The following ZNF366 variants were observed in gnomAD, a reference collection of about 807,000 sequenced individuals.
ZNF366 encodes dendritic cell-specific transcript protein.
In ZNF366, 20 loss-of-function variants were observed where a neutral mutation model predicts 47.2. The observed-to-expected ratio is 0.42, with a 90% CI of 0.30 to 0.62. ZNF366 has a LOEUF of 0.62. ZNF366 is among the 20% of genes least tolerant of loss of function. The pLI is 0.16. For synonymous variants in ZNF366, 421 were observed against 395.1 expected (o/e 1.07, Z -0.78); for missense variants, 987 against 976.3 (o/e 1.01, Z -0.15).
At position 72,447,343 on chromosome 5, in the gene ZNF366, G is replaced by T. The variant is rs1742979634; in HGVS notation, c.1599C>A (p.Phe533Leu). Residue 533 changes from phenylalanine (F) to leucine (L), a missense_variant, in exon 4 of 5, where the codon TTC becomes TTA. Physicochemically the swap from Phe to Leu is conservative, Grantham distance 22 (BLOSUM62 0). This residue lies in a region of ZNF366 where 111 missense variants were observed against 180.5 expected (regional missense o/e 0.61). Coordinates refer to ENST00000318442, the MANE Select transcript of ZNF366 (RefSeq NM_152625.3). ...ATTTGCTTGGGCAATAGAGGCACTT[G>T]AAGGGTTTGCTGTCTGAGTGCAGGT... ...HMHLHSDSKPFKCLYCPSKFT... is the reference protein window; with the variant it reads ...HMHLHSDSKPLKCLYCPSKFT... The T allele has an allele frequency of 6.2e-7, 1 of 1,614,100 alleles. No homozygotes were observed. Among genetic ancestry groups the T allele is most frequent in the Non-Finnish European group, 8.5e-7 (1 of 1,180,044 alleles).
In ZNF366 at chr5:72,444,078, TG is replaced by T; in HGVS notation, c.1912del (p.Gln638ArgfsTer90). On this transcript the variant is annotated frameshift_variant, in exon 5 of 5. Coordinates refer to ENST00000318442, the MANE Select transcript of ZNF366 (RefSeq NM_152625.3). LOFTEE classifies it low-confidence loss of function (END_TRUNC). The part of the protein sequence containing the change: ...VEPYSPGLAP[Q>X]SQQLCTPEDL... Reference sequence around the variant, plus strand: ...CTCGGGTGTGCAGAGCTGCTGGCTCTGGGGGGCCAGGCCAGGGCTGTAGGGC... The same window carrying T: ...CTCGGGTGTGCAGAGCTGCTGGCTCTGGGGGCCAGGCCAGGGCTGTAGGGC... 6.2e-7 allele frequency: 1 copy of T among 1,614,136 alleles called. No homozygotes were observed. The highest frequency in any genetic ancestry group is 8.5e-7 in the Non-Finnish European group (1 of 1,180,020).
At chr5:72,485,948 T>G (rs1743883682) in intron 1 of ZNF366, among the ~76,000 whole-genome samples, 1 of 152,154 alleles carries the variant, frequency 6.6e-6, no homozygotes, top group African/African-American at 2.4e-5. Context: ...CACGTGCCTC[T>G]TTTGCTTCCT....
intron 1 of ZNF366, among the ~76,000 whole-genome samples, chr5:72,489,698 A>T (rs1214894193): frequency 1.3e-5 from 2 of 152,244 alleles, no homozygotes; most frequent in African/African-American, 4.8e-5. Context: ...CTTTAAAAGT[A>T]TTCCCTAATA....
At chr5:72,477,120 T>TA (rs1246722636) in intron 1 of ZNF366, among the ~76,000 whole-genome samples, 1 of 152,174 alleles carries the variant, frequency 6.6e-6, no homozygotes, top group Non-Finnish European at 1.5e-5. Context: ...TTTACAATAT[T>TA]AAAAAAATTT....
chr5:72,444,031 G>C lies in ZNF366; in HGVS notation c.1960C>G (p.His654Asp), dbSNP rs778363115. The C allele has an allele frequency of 1.9e-6, 3 of 1,614,198 alleles. No individual in the cohort carries two copies. Among genetic ancestry groups the C allele is most frequent in the Non-Finnish European group, 2.5e-6 (3 of 1,180,036 alleles). The stretch of plus-strand genomic sequence containing the variant: ...GCTTCCTCCAGCACCTCGGGGGCGT[G>C]CTCCGACTTGGTGGACAGATCCTCG... ...TPEDLSTKSE[H>D]APEVLEEACK... Residue 654 changes from histidine (H) to aspartate (D), a missense_variant, in exon 5 of 5, where the codon CAC (histidine) becomes GAC (aspartate). Coordinates refer to ENST00000318442, the MANE Select transcript of ZNF366 (RefSeq NM_152625.3).
chr5:72,488,321 T>C (rs766904796), intron 1 of ZNF366, among the ~76,000 whole-genome samples: 8 of 152,184 alleles, frequency 5.3e-5, no homozygotes, highest in Admixed American at 3.9e-4. Context: ...TTAAGTATTG[T>C]TATTTTATTG....
rs760399989 is a variant in ZNF366 at position 72,444,130 on chromosome 5, C to T, written c.1861G>A (p.Glu621Lys). The T allele has an allele frequency of 3.7e-6, 6 of 1,613,980 alleles. No homozygotes were observed. The highest frequency in any genetic ancestry group is 1.1e-5 in the South Asian group (1 of 91,082). The change falls in exon 5 of 5, where the codon GAG (glutamate) becomes AAG (lysine). Residue 621 changes from glutamate (E) to lysine (K), a missense_variant. Coordinates refer to ENST00000318442, the MANE Select transcript of ZNF366 (RefSeq NM_152625.3). ...TCCACCTCGTAGCAGTTATCCTCCT[C>T]TTCCTCCTCGTGGCAGTGGCTGCCC... Reference protein sequence around the residue: ...AQGSHCHEEEEEDNCYEVEPY... With the variant: ...AQGSHCHEEEKEDNCYEVEPY...
At chr5:72,483,545 C>A (rs10059713) in intron 1 of ZNF366, among the ~76,000 whole-genome samples, 2 of 152,072 alleles carry the variant, frequency 1.3e-5, no homozygotes, top group Non-Finnish European at 2.9e-5. Flanking sequence ...TGCCTGTGAG[C>A]CAAGCATCTG....
intron 1 of ZNF366, among the ~76,000 whole-genome samples, chr5:72,473,225 T>C (rs1743605355): frequency 6.6e-6 from 1 of 152,206 alleles, no homozygotes; most frequent in Admixed American, 6.5e-5. Flanking sequence ...AGCAGCCATA[T>C]TGGAACAATG....
chr5:72,490,121 T>TC (rs1743976078), intron 1 of ZNF366, among the ~76,000 whole-genome samples: 1 of 152,186 alleles, frequency 6.6e-6, no homozygotes, highest in African/African-American at 2.4e-5. Context: ...CTCCACAAGT[T>TC]CCAGGCTTCA....
chr5:72,471,874 C>T (rs137979857), intron 1 of ZNF366, among the ~76,000 whole-genome samples: 37 of 152,130 alleles, frequency 2.4e-4, no homozygotes, highest in East Asian at 7.7e-4. Context: ...TTTTAAGAGA[C>T]GGGGTCTCAC....
intron 1 of ZNF366, chr5:72,472,622 G>A (rs930728954): frequency 2.5e-5 from 23 of 934,804 alleles, no homozygotes; most frequent in Admixed American, 6.2e-5. Flanking sequence ...AAGAAGAATC[G>A]GTTAGAAAGA....
intron 1 of ZNF366, among the ~76,000 whole-genome samples, chr5:72,495,837 C>G (rs116158191): frequency 6.6e-6 from 1 of 152,190 alleles, no homozygotes; most frequent in Admixed American, 6.5e-5. Flanking sequence ...CACCCCACCC[C>G]ACCCTGGTAC....
rs1192762743 is a variant in ZNF366 at position 72,441,162 on chromosome 5, A to G, written c.*2594T>C. On this transcript the variant is annotated 3_prime_UTR_variant, in exon 5 of 5. Coordinates refer to ENST00000318442, the MANE Select transcript of ZNF366 (RefSeq NM_152625.3). ...TGTCTCAACATTAACTGGTCCCTCA[A>G]ACATTCCCATGAGGTTTGTTTTGGT... 6.6e-6 allele frequency: 1 copy of G among 152,096 alleles called. No homozygotes were observed. Among genetic ancestry groups the G allele is most frequent in the Non-Finnish European group, 1.5e-5 (1 of 68,024 alleles). The allele number at this position is 152,096 out of a possible 1,614,324, so 9.4% of individuals were successfully genotyped here.
At chr5:72,501,702 A>G (rs1011366928) in intron 1 of ZNF366, among the ~76,000 whole-genome samples, 1 of 152,204 alleles carries the variant, frequency 6.6e-6, no homozygotes, top group East Asian at 1.9e-4. Flanking sequence ...CACTTCCTAC[A>G]AGGCTGGATC....
At chr5:72,497,305 T>C (rs1189244369) in intron 1 of ZNF366, among the ~76,000 whole-genome samples, 3 of 152,184 alleles carry the variant, frequency 2.0e-5, no homozygotes, top group Non-Finnish European at 4.4e-5. Context: ...TACTCCAAGT[T>C]AATACATGTG....
At chr5:72,485,404 T>G (rs1427989182) in intron 1 of ZNF366, among the ~76,000 whole-genome samples, 5 of 152,200 alleles carry the variant, frequency 3.3e-5, no homozygotes, top group African/African-American at 1.2e-4. Flanking sequence ...CCTTCTTTAT[T>G]ACCTCTTCCC....
At chr5:72,468,063 G>A (rs746537305) in intron 1 of ZNF366, among the ~76,000 whole-genome samples, 2 of 152,114 alleles carry the variant, frequency 1.3e-5, no homozygotes, top group East Asian at 1.9e-4. Context: ...ATGTTCTAAC[G>A]TTTCAACATA....
chr5:72,488,888 C>T (rs1365657705), intron 1 of ZNF366, among the ~76,000 whole-genome samples: 3 of 152,226 alleles, frequency 2.0e-5, no homozygotes, highest in African/African-American at 4.8e-5. Context: ...AGCCTCAATT[C>T]CTCAGCTATA....
Sources: gnomAD v4.1 joint callset for allele counts (sites outside exome capture counted in the v4.1 genomes callset) on GRCh38, gnomAD v4.1.1 for gene constraint, gnomAD v4.1.1 regional missense constraint, MANE v1.5 for transcripts, NCBI Gene and HGNC (gene_info 2026-07-23, HGNC 2026-07-21) for gene names.